Variants in SGO2 observed in about 807,000 individuals in gnomAD.
SGO2 encodes shugoshin 2.
Under a neutral mutation model 99.5 loss-of-function variants are expected in SGO2, and 68 were observed. The observed-to-expected ratio is 0.68, with a 90% CI of 0.56 to 0.84. SGO2 has a LOEUF of 0.84. Ranked by LOEUF, SGO2 falls within the 40% of genes least tolerant of loss-of-function variation. The pLI, the probability that SGO2 is intolerant of heterozygous loss-of-function variation, is 0.00. For missense variants in SGO2, 1,350 were observed against 1,436.7 expected (o/e 0.94, Z 0.97); for synonymous variants, 457 against 487.1 (o/e 0.94, Z 0.81).
chr2:200,542,902 T>G (rs2106314946), intron 5 of SGO2: 1 of 294,490 alleles, frequency 3.4e-6, no homozygotes, highest in East Asian at 5.9e-5. Flanking sequence ...AGTTCTTTTT[T>G]TTCTTTTCAT....
At chr2:200,543,540 T>C (rs1397787728) in intron 5 of SGO2, 1 of 152,200 alleles carries the variant, frequency 6.6e-6, no homozygotes, top group Admixed American at 6.5e-5. Context: ...ACATATAGAT[T>C]TAATGCTTTT....
rs3840472 is a variant in SGO2 at position 200,583,560 on chromosome 2, G to GTT, written c.*105_*106dup. 1.5e-3 allele frequency: 1,537 copies of GTT among 1,058,670 alleles called. No homozygotes were observed. The highest frequency in any genetic ancestry group is 3.3e-3 in the East Asian group (117 of 35,526). The allele number at this position is 1,058,670 out of a possible 1,614,324, so 65.6% of individuals were successfully genotyped here. ...AGAAGATGAAATGCTTAATGAAAAG[G>GTT]TTTTTTTTTTGTTTCTTTGGCCTTT... is the stretch of plus-strand genomic sequence containing the variant. On this transcript the variant is annotated 3_prime_UTR_variant, in exon 9 of 9. Transcript: ENST00000357799.
chr2:200,583,467 T>C lies in SGO2; in HGVS notation c.*3T>C, dbSNP rs776212292. Reference sequence around the variant, plus strand: ...TTTGCAGCAAGATGAGAAGATGAAGTGAATTTATGGATTCTGGTTTTTCTG... The same window carrying C: ...TTTGCAGCAAGATGAGAAGATGAAGCGAATTTATGGATTCTGGTTTTTCTG... On this transcript the variant is annotated 3_prime_UTR_variant, in exon 9 of 9. Coordinates refer to ENST00000357799, the MANE Select transcript of SGO2 (RefSeq NM_152524.6). 109 of 1,587,572 alleles carry C rather than the reference T, an allele frequency of 6.9e-5. 1 individual carries two copies. Among genetic ancestry groups the C allele is most frequent in the Admixed American group, 2.3e-4 (13 of 56,216 alleles).
intron 1 of SGO2, among the ~76,000 whole-genome samples, chr2:200,531,080 C>T (rs144378591): frequency 1.1e-3 from 161 of 152,146 alleles, no homozygotes; most frequent in African/African-American, 3.5e-3. Context: ...TTGATGATAT[C>T]GGGAAAGAAT....
Position 200,569,801 on chromosome 2 carries a change from G to C in SGO2, c.612G>C (p.Ser204=). The C allele has an allele frequency of 6.2e-7, 1 of 1,610,058 alleles. No homozygotes were observed. The highest frequency in any genetic ancestry group is 8.5e-7 in the Non-Finnish European group (1 of 1,176,602). ...TTQPLSTQDN[S]EVLFLKENNQ... ...AACCTTTATCAACTCAGGATAATTC[G>C]GAAGTGTTATTTCTTAAAGAAAATA... The change falls in exon 6 of 9, where the codon TCG becomes TCC. Residue 204 remains serine, a synonymous_variant. Coordinates refer to ENST00000357799, the MANE Select transcript of SGO2 (RefSeq NM_152524.6).
intron 5 of SGO2, among the ~76,000 whole-genome samples, chr2:200,562,573 G>T (rs1249448478): frequency 6.6e-6 from 1 of 152,170 alleles, no homozygotes; most frequent in Admixed American, 6.5e-5. Flanking sequence ...CTTTAAAGTA[G>T]GTTTTTCCAA....
intron 5 of SGO2, among the ~76,000 whole-genome samples, chr2:200,569,127 T>A (rs148316051): frequency 6.6e-6 from 1 of 152,108 alleles, no homozygotes. Flanking sequence ...TTCAAATATG[T>A]CAGTGTATCA....
chr2:200,557,037 G>A (rs1344742381), intron 5 of SGO2, among the ~76,000 whole-genome samples: 4 of 152,184 alleles, frequency 2.6e-5, no homozygotes, highest in Admixed American at 2.6e-4. Flanking sequence ...TCCCCCTTTA[G>A]GGGAGGAAAA....
intron 3 of SGO2, 94 bp from the exon 4 acceptor site, chr2:200,535,971 G>T: frequency 1.4e-6 from 1 of 728,802 alleles, no homozygotes; most frequent in Non-Finnish European, 2.2e-6. Flanking sequence ...TATTTTTTAA[G>T]TTTTCTCACA....
At chr2:200,569,363 C>A (rs911051321) in intron 5 of SGO2, among the ~76,000 whole-genome samples, 1 of 151,914 alleles carries the variant, frequency 6.6e-6, no homozygotes, top group African/African-American at 2.4e-5. Context: ...TTTGTAAGTA[C>A]ATTTGAACTT....
At chr2:200,566,286 T>A (rs961819814) in intron 5 of SGO2, among the ~76,000 whole-genome samples, 4 of 152,304 alleles carry the variant, frequency 2.6e-5, no homozygotes, top group African/African-American at 7.2e-5. Context: ...TTTTCCTTCT[T>A]ACAGTCAGGA....
chr2:200,552,679 T>A (rs1365204822), intron 5 of SGO2, among the ~76,000 whole-genome samples: 1 of 152,174 alleles, frequency 6.6e-6, no homozygotes, highest in Non-Finnish European at 1.5e-5. Flanking sequence ...TAATAAATTA[T>A]AATTAGCATA....
chr2:200,556,600 C>T (rs77592679), intron 5 of SGO2, among the ~76,000 whole-genome samples: 25,060 of 152,064 alleles, frequency 0.16, 2,316 homozygotes, highest in Non-Finnish European at 0.21. Context: ...AAAGATCACA[C>T]AGATATCAAC....
At position 200,572,031 on chromosome 2, in the gene SGO2, T is replaced by G; in HGVS notation, c.1685T>G (p.Leu562Arg). ...GATAAAGTAACCATTTATGAAAACCTAGACGTCACAAATGAATTTCACACA... is the reference window on the plus strand; with the variant it reads ...GATAAAGTAACCATTTATGAAAACCGAGACGTCACAAATGAATTTCACACA... The part of the protein sequence containing the change: ...QKDKVTIYEN[L>R]DVTNEFHTAN... Residue 562 changes from leucine to arginine, a missense_variant, in exon 7 of 9, where the codon CTA (leucine) becomes CGA (arginine). By Grantham distance (102) the Leu-to-Arg change is moderately radical (BLOSUM62 -2). Transcript: ENST00000357799. 2 of 1,613,326 alleles carry G rather than the reference T, an allele frequency of 1.2e-6. No homozygotes were observed. Among genetic ancestry groups the G allele is most frequent in the African/African-American group, 2.7e-5 (2 of 75,002 alleles).
rs996272019 is a variant in SGO2 at position 200,547,411 on chromosome 2, AAC to A, written c.473+4750_473+4751del. On this transcript the variant is annotated intron_variant, in intron 5 of 8. Coordinates refer to ENST00000357799, the MANE Select transcript of SGO2 (RefSeq NM_152524.6). Reference sequence around the variant, plus strand: ...GGAGTTCTTCAATCTGAAAGTAAAAAACACTACCATGCAAAAGGAAACTTTTT... The same window carrying A: ...GGAGTTCTTCAATCTGAAAGTAAAAAACTACCATGCAAAAGGAAACTTTTT... Among the ~76,000 whole-genome samples the A allele has an allele frequency of 3.3e-5, 5 of 152,370 alleles. No homozygotes were observed. The South Asian group carries it at 1.0e-3, about 32-fold the overall frequency.
intron 5 of SGO2, among the ~76,000 whole-genome samples, chr2:200,555,937 AG>A (rs2032693801): frequency 6.6e-6 from 1 of 152,102 alleles, no homozygotes; most frequent in Non-Finnish European, 1.5e-5. Context: ...AAGGAGTCTC[AG>A]GCTGTTAGAG....
chr2:200,564,760 A>G (rs2033119358), intron 5 of SGO2, among the ~76,000 whole-genome samples: 1 of 152,148 alleles, frequency 6.6e-6, no homozygotes, highest in African/African-American at 2.4e-5. Context: ...TTGGTTGCAT[A>G]TATATTTAGG....
In SGO2 at chr2:200,570,069, G is replaced by A. The variant is rs1212300938; in HGVS notation, c.703+177G>A. 1.8e-6 allele frequency: 1 copy of A among 550,974 alleles called. No homozygotes were observed. Among genetic ancestry groups the A allele is most frequent in the Non-Finnish European group, 3.2e-6 (1 of 313,542 alleles). The allele number at this position is 550,974 out of a possible 1,614,324, so 34.1% of individuals were successfully genotyped here. A position where few individuals can be genotyped will look rare whatever the true frequency, so the allele number is the denominator to read the frequency against. On this transcript the variant is annotated intron_variant, in intron 6 of 8. Transcript: ENST00000357799. This position sits in a 1 kb window ranked among gnomAD's most constrained non-coding sequence, Gnocchi z 4.4. ...GATTTAATTTTAAAGTAAATATGCT[G>A]ACAAACATCACACCCACAGTGGCCT... is the stretch of plus-strand genomic sequence containing the variant.
At chr2:200,566,965 T>C (rs2033214909) in intron 5 of SGO2, among the ~76,000 whole-genome samples, 1 of 152,320 alleles carries the variant, frequency 6.6e-6, no homozygotes, top group Middle Eastern at 3.4e-3. Context: ...AGGTGCTGTG[T>C]GTCAAGGCTT....
Sources: allele counts gnomAD v4.1 joint callset (sites outside exome capture counted in the v4.1 genomes callset), GRCh38; gene constraint gnomAD v4.1.1; non-coding constraint Gnocchi (gnomAD v3.1); transcripts MANE v1.5; gene names NCBI Gene and HGNC (gene_info 2026-07-23, HGNC 2026-07-21).